Variants in AGBL1 observed in about 807,000 individuals in gnomAD.
The protein encoded by AGBL1 is cytosolic carboxypeptidase 4.
Under a neutral mutation model 118.9 loss-of-function variants are expected in AGBL1, and 130 were observed. That is an observed-to-expected ratio of 1.09 (90% CI 0.95 to 1.26). The LOEUF (loss-of-function observed/expected upper bound fraction) is 1.26. Among genes scored for constraint, AGBL1 ranks in the 50% most tolerant of loss-of-function variants. The probability of loss-of-function intolerance (pLI) is 0.00; values close to 1 mark genes in which losing one functional copy is unlikely to be tolerated. For synonymous variants in AGBL1, 555 were observed against 478.9 expected (o/e 1.16, Z -2.08); for missense variants, 1,584 against 1,298.1 (o/e 1.22, Z -3.38).
chr15:86,143,978 G>T (rs548616128), intron 3 of AGBL1, 133 bp downstream of exon 3: 169 of 1,151,032 alleles, frequency 1.5e-4, no homozygotes, highest in Non-Finnish European at 1.9e-4. Flanking sequence ...ACTTGATGGT[G>T]ATGGCAGGAC....
At chr15:86,114,182 A>G (rs1005189064) in intron 1 of AGBL1, among the ~76,000 whole-genome samples, 11 of 152,258 alleles carry the variant, frequency 7.2e-5, no homozygotes, top group Admixed American at 7.2e-4. Flanking sequence ...CTCTTTATAT[A>G]TAACATGTTT....
At chr15:86,842,336 G>T (rs77716346) in intron 22 of AGBL1, among the ~76,000 whole-genome samples, 8 of 152,206 alleles carry the variant, frequency 5.3e-5, no homozygotes, top group East Asian at 1.9e-4. Flanking sequence ...TGGACTCTGA[G>T]CTCCTCAGAT....
chr15:86,632,001 G>A (rs1419990719), intron 21 of AGBL1, among the ~76,000 whole-genome samples: 1 of 150,738 alleles, frequency 6.6e-6, no homozygotes, highest in East Asian at 2.0e-4. Flanking sequence ...AGCAGTCTGC[G>A]CAAGCCTAGG....
intron 22 of AGBL1, among the ~76,000 whole-genome samples, chr15:86,838,404 G>C (rs1008970850): frequency 7.2e-5 from 11 of 152,100 alleles, no homozygotes; most frequent in Admixed American, 3.3e-4. Flanking sequence ...AGTGTGGAAA[G>C]GCTGGACATT....
At chr15:86,665,981 T>G (rs1462475838) in intron 21 of AGBL1, among the ~76,000 whole-genome samples, 1 of 152,150 alleles carries the variant, frequency 6.6e-6, no homozygotes, top group African/African-American at 2.4e-5. Context: ...CATCATCGCG[T>G]AGAAGAGCTT....
chr15:86,566,106 G>C (rs2142298875), intron 21 of AGBL1, among the ~76,000 whole-genome samples: 1 of 92,374 alleles, frequency 1.1e-5, no homozygotes. Flanking sequence ...GCCCTGCTTT[G>C]GCTCACCTCG....
intron 16 of AGBL1, among the ~76,000 whole-genome samples, chr15:86,289,151 T>C (rs1397496996): frequency 6.6e-6 from 1 of 152,192 alleles, no homozygotes; most frequent in Non-Finnish European, 1.5e-5. Flanking sequence ...GCCTCTTATA[T>C]ACAACATGCT....
chr15:86,615,106 C>A lies in AGBL1; in HGVS notation c.2995-59167C>A, dbSNP rs574633215. On this transcript the variant is annotated intron_variant, in intron 21 of 22. Transcript: ENST00000614907. This position sits in a 1 kb window ranked among gnomAD's most constrained non-coding sequence, Gnocchi z 4.3. ...CTAGAATGTCAAATGTCTTGAGTGACACATTAAGCAGCATGTTGAGGGTGA... is the reference window on the plus strand; with the variant it reads ...CTAGAATGTCAAATGTCTTGAGTGAAACATTAAGCAGCATGTTGAGGGTGA... Among the ~76,000 whole-genome samples, 2 of 152,310 alleles carry A rather than the reference C, an allele frequency of 1.3e-5. No homozygotes were observed. Among genetic ancestry groups the A allele is most frequent in the South Asian group, 4.1e-4 (2 of 4,824 alleles).
At chr15:86,244,529 G>A (rs1309525896) in intron 6 of AGBL1, among the ~76,000 whole-genome samples, 1 of 151,946 alleles carries the variant, frequency 6.6e-6, no homozygotes, top group Admixed American at 6.6e-5. Flanking sequence ...GGGTCGCGGG[G>A]GAAGGAGGTT....
chr15:86,216,033 C>G (rs972698049), intron 5 of AGBL1, among the ~76,000 whole-genome samples: 9 of 152,078 alleles, frequency 5.9e-5, no homozygotes. Context: ...GGGATTTAAA[C>G]AAAATCATTT....
intron 21 of AGBL1, among the ~76,000 whole-genome samples, chr15:86,594,126 T>C (rs1458514381): frequency 6.6e-6 from 1 of 152,104 alleles, no homozygotes; most frequent in Non-Finnish European, 1.5e-5. Flanking sequence ...AGTCTTACTA[T>C]GTTACCCAGG....
At chr15:86,857,435 C>G (rs896886324) in intron 22 of AGBL1, among the ~76,000 whole-genome samples, 1 of 152,154 alleles carries the variant, frequency 6.6e-6, no homozygotes, top group African/African-American at 2.4e-5. Flanking sequence ...AGCCATGTGG[C>G]CTTCTTTCAT....
chr15:87,017,284 C>T (rs1037569714), intron 24 of AGBL1, among the ~76,000 whole-genome samples: 1 of 152,100 alleles, frequency 6.6e-6, no homozygotes, highest in Non-Finnish European at 1.5e-5. Flanking sequence ...CAAAAAAAAC[C>T]AGACTGCTTC....
At chr15:86,487,152 G>A (rs1047784924) in intron 18 of AGBL1, among the ~76,000 whole-genome samples, 3 of 151,988 alleles carry the variant, frequency 2.0e-5, no homozygotes, top group South Asian at 2.1e-4. Context: ...AACTGTCACC[G>A]GAGAGCATTT....
intron 21 of AGBL1, among the ~76,000 whole-genome samples, chr15:86,607,914 C>G (rs1006157422): frequency 7.9e-5 from 12 of 152,032 alleles, no homozygotes; most frequent in African/African-American, 2.7e-4. Flanking sequence ...GACATATTGT[C>G]AAAGGTTTAT....
intron 24 of AGBL1, among the ~76,000 whole-genome samples, chr15:87,007,231 G>A (rs1057263592): frequency 5.3e-5 from 8 of 151,950 alleles, no homozygotes; most frequent in Non-Finnish European, 8.8e-5. Context: ...AGGTTCTTAC[G>A]CTAGCTGTAT....
chr15:86,839,875 C>T (rs2079220924), intron 22 of AGBL1, among the ~76,000 whole-genome samples: 1 of 152,154 alleles, frequency 6.6e-6, no homozygotes. Context: ...CTCTGAGATT[C>T]CCCTTACCAT....
intron 1 of AGBL1, among the ~76,000 whole-genome samples, chr15:86,136,708 G>A (rs952424768): frequency 2.0e-5 from 3 of 152,174 alleles, no homozygotes; most frequent in Non-Finnish European, 4.4e-5. Context: ...GGTAGGAGGA[G>A]TGGCTGCAGC....
chr15:86,499,003 C>G (rs1324561952), intron 18 of AGBL1, among the ~76,000 whole-genome samples: 1 of 151,844 alleles, frequency 6.6e-6, no homozygotes, highest in Non-Finnish European at 1.5e-5. Context: ...CAGAAACGGC[C>G]TGTGTGCTAG....
Sources: allele counts gnomAD v4.1 joint callset (sites outside exome capture counted in the v4.1 genomes callset), GRCh38; gene constraint gnomAD v4.1.1; non-coding constraint Gnocchi (gnomAD v3.1); transcripts MANE v1.5; gene names NCBI Gene and HGNC (gene_info 2026-07-23, HGNC 2026-07-21).